Variants in MAP3K4 observed in about 807,000 individuals in gnomAD.
MAP3K4 encodes the protein MAP three kinase 1.
Under a neutral mutation model 185.6 loss-of-function variants are expected in MAP3K4, and 67 were observed. The ratio of observed to expected loss-of-function variants is 0.36; its 90% CI spans 0.30 to 0.44. The LOEUF (loss-of-function observed/expected upper bound fraction) is 0.44, where lower values mean the gene tolerates loss of function less well. MAP3K4 is among the 20% of genes least tolerant of loss of function. MAP3K4 has a pLI of 1.00. For synonymous variants in MAP3K4, 702 were observed against 710.4 expected (o/e 0.99, Z 0.19); for missense variants, 1,551 against 1,995.1 (o/e 0.78, Z 4.24).
chr6:161,058,704 A>G (rs924025250), intron 3 of MAP3K4, among the ~76,000 whole-genome samples: 1 of 152,108 alleles, frequency 6.6e-6, no homozygotes, highest in Non-Finnish European at 1.5e-5. Context: ...ACATAATCCT[A>G]CTACAACTTG....
Position 161,070,635 on chromosome 6 carries a change from G to C in MAP3K4, c.1735G>C (p.Gly579Arg). Reference protein sequence around the residue: ...EFSEFPDPMWGSDYVQLSRTP... With the variant: ...EFSEFPDPMWRSDYVQLSRTP... The stretch of plus-strand genomic sequence containing the variant: ...TTCTGAATTTCCAGATCCCATGTGG[G>C]GTTCAGATTATGTGCAGTTGTCAAG... Residue 579 changes from glycine (G) to arginine (R), a missense_variant, in exon 4 of 27, where the codon GGT becomes CGT. Physicochemically the swap from Gly to Arg is moderately radical, Grantham distance 125 (BLOSUM62 -2). Transcript: ENST00000392142. The surrounding 1 kb of genome is among the most constrained non-coding windows in gnomAD (Gnocchi z 4.5). 3 of 1,613,806 alleles carry C rather than the reference G, an allele frequency of 1.9e-6. No individual in the cohort carries two copies. Among genetic ancestry groups the C allele is most frequent in the Non-Finnish European group, 2.5e-6 (3 of 1,179,954 alleles).
At chr6:161,040,997 G>A (rs1230116827) in intron 2 of MAP3K4, among the ~76,000 whole-genome samples, 1 of 152,216 alleles carries the variant, frequency 6.6e-6, no homozygotes, top group Non-Finnish European at 1.5e-5. Flanking sequence ...GTCTTCCACG[G>A]GCTGGCTTAA....
At position 161,098,377 on chromosome 6, in the gene MAP3K4, T is replaced by C. The variant is rs1373411174; in HGVS notation, c.3624T>C (p.Ser1208=). 6.2e-7 allele frequency: 1 copy of C among 1,613,872 alleles called. No homozygotes were observed. The highest frequency in any genetic ancestry group is 2.2e-5 in the East Asian group (1 of 44,880). The part of the protein sequence containing the change: ...AAVAASRPSP[S]GGDSVLPKSI... ...TTGCTGCCAGTCGGCCCAGCCCCTC[T>C]GGTGGTGACTCTGTGCTGCCCAAAT... The change falls in exon 17 of 27, where the codon TCT becomes TCC. Residue 1208 remains serine (S), a synonymous_variant. Transcript: ENST00000392142. The surrounding 1 kb of genome is among the most constrained non-coding windows in gnomAD (Gnocchi z 4.4).
At position 161,097,536 on chromosome 6, in the gene MAP3K4, A is replaced by G. The variant is rs2114883253; in HGVS notation, c.3524+360A>G. The stretch of plus-strand genomic sequence containing the variant: ...GTCAACATTTGAAAACATACTAAAT[A>G]TCACTAAAAGTGGAGAAAAACTGGA... On this transcript the variant is annotated intron_variant, in intron 16 of 26. Transcript: ENST00000392142. This position sits in a 1 kb window ranked among gnomAD's most constrained non-coding sequence, Gnocchi z 4.9. 6.6e-6 allele frequency among the ~76,000 whole-genome samples: 1 copy of G among 152,314 alleles called. No homozygotes were observed. The highest frequency in any genetic ancestry group is 3.4e-3 in the Middle Eastern group (1 of 294).
chr6:161,102,825 C>G (rs1051077563), intron 19 of MAP3K4, 46 bp downstream of exon 19: 1 of 836,288 alleles, frequency 1.2e-6, no homozygotes, highest in Non-Finnish European at 1.7e-6. Context: ...AAAAAAAAAA[C>G]ACGATTACAC....
intron 1 of MAP3K4, among the ~76,000 whole-genome samples, chr6:160,999,887 A>G: frequency 6.6e-6 from 1 of 152,208 alleles, no homozygotes; most frequent in East Asian, 1.9e-4. Flanking sequence ...AAAATATGAA[A>G]TCCTCTTAAA....
chr6:161,041,547 G>T (rs539713037), intron 2 of MAP3K4, among the ~76,000 whole-genome samples: 1 of 152,348 alleles, frequency 6.6e-6, no homozygotes, highest in South Asian at 2.1e-4. Flanking sequence ...GGAGCCTGTT[G>T]TCGGCTAAGG....
chr6:161,065,264 T>C (rs1784656494), intron 3 of MAP3K4, among the ~76,000 whole-genome samples: 1 of 152,192 alleles, frequency 6.6e-6, no homozygotes, highest in Non-Finnish European at 1.5e-5. Context: ...AACATAAAAT[T>C]ATGAGAATTT....
chr6:161,084,382 A>G lies in MAP3K4; in HGVS notation c.2256-119A>G. 3.3e-6 allele frequency: 2 copies of G among 606,080 alleles called. No homozygotes were observed. The highest frequency in any genetic ancestry group is 5.9e-6 in the Non-Finnish European group (2 of 337,108). The allele number at this position is 606,080 out of a possible 1,614,324, so 37.5% of individuals were successfully genotyped here. ...TATATTAAAAGAAGAGAAATTTTTC[A>G]TTTTTGATTTTTAAACCATTAGAGC... On this transcript the variant is annotated intron_variant, in intron 6 of 26. Transcript: ENST00000392142. This position sits in a 1 kb window ranked among gnomAD's most constrained non-coding sequence, Gnocchi z 4.6.
chr6:161,029,707 C>T (rs182728852), intron 1 of MAP3K4, among the ~76,000 whole-genome samples: 12 of 152,230 alleles, frequency 7.9e-5, no homozygotes, highest in South Asian at 6.2e-4. Context: ...CTGAACTGGT[C>T]GGCTGACCAC....
In MAP3K4 at chr6:161,008,026, C is replaced by T. The variant is rs1053004197; in HGVS notation, c.152+15943C>T. Among the ~76,000 whole-genome samples the T allele has an allele frequency of 4.6e-5, 7 of 152,078 alleles. No homozygotes were observed. Among genetic ancestry groups the T allele is most frequent in the African/African-American group, 1.7e-4 (7 of 41,414 alleles). On this transcript the variant is annotated intron_variant, in intron 1 of 26. Transcript: ENST00000392142. The surrounding 1 kb of genome is among the most constrained non-coding windows in gnomAD (Gnocchi z 4.1). ...AAATATGGTAAGGCATAGCTATTGT[C>T]TTCTATAAAATTCTGGTAAACCCAT... is the stretch of plus-strand genomic sequence containing the variant.
intron 3 of MAP3K4, among the ~76,000 whole-genome samples, chr6:161,059,778 T>C (rs1054283771): frequency 6.6e-6 from 1 of 152,294 alleles, no homozygotes; most frequent in East Asian, 1.9e-4. Context: ...CTTTTTACAC[T>C]TTGAATCAGT....
In MAP3K4 at chr6:161,116,791, G is replaced by T; in HGVS notation, c.4807-59G>T. ...CTTCCCCGTAAGACTCATACTGCGC[G>T]TATGCACAAGCACACACCTGGCTCT... On this transcript the variant is annotated intron_variant, in intron 26 of 26. Transcript: ENST00000392142. The surrounding 1 kb of genome is among the most constrained non-coding windows in gnomAD (Gnocchi z 6.2). The T allele has an allele frequency of 6.5e-7, 1 of 1,532,346 alleles. No individual in the cohort carries two copies. The allele number at this position is 1,532,346 out of a possible 1,614,324, so 94.9% of individuals were successfully genotyped here. A position where few individuals can be genotyped will look rare whatever the true frequency, so the allele number is the denominator to read the frequency against.
At chr6:161,095,843 T>G (rs1777542880) in intron 15 of MAP3K4, among the ~76,000 whole-genome samples, 1 of 152,224 alleles carries the variant, frequency 6.6e-6, no homozygotes, top group Admixed American at 6.5e-5. Context: ...AGTGGAAAGT[T>G]TTGCAGTGTT....
At chr6:161,046,396 C>T (rs1459878860) in intron 2 of MAP3K4, among the ~76,000 whole-genome samples, 1 of 151,758 alleles carries the variant, frequency 6.6e-6, no homozygotes, top group Non-Finnish European at 1.5e-5. Context: ...AGTTGATAAG[C>T]ATTTATAGCT....
At chr6:161,025,801 C>T (rs1393846610) in intron 1 of MAP3K4, among the ~76,000 whole-genome samples, 1 of 152,138 alleles carries the variant, frequency 6.6e-6, no homozygotes, top group East Asian at 1.9e-4. Context: ...AAACGTTTTT[C>T]TTGTTTCTCT....
chr6:160,992,123 G>A (rs2115019813), intron 1 of MAP3K4, 40 bp downstream of exon 1: 1 of 1,507,902 alleles, frequency 6.6e-7, no homozygotes. Flanking sequence ...GCAGAAAGCG[G>A]GGCGGGTCCT....
At chr6:161,060,404 G>A (rs1257070388) in intron 3 of MAP3K4, among the ~76,000 whole-genome samples, 1 of 152,072 alleles carries the variant, frequency 6.6e-6, no homozygotes, top group Non-Finnish European at 1.5e-5. Flanking sequence ...TATTTGGTAT[G>A]TTTCAATCCA....
chr6:161,055,860 A>G (rs1390377259), intron 3 of MAP3K4, among the ~76,000 whole-genome samples: 2 of 152,196 alleles, frequency 1.3e-5, no homozygotes, highest in African/African-American at 4.8e-5. Flanking sequence ...ATTCTTTGGA[A>G]GTAAGTCACC....
Sources: gnomAD v4.1 joint callset for allele counts (sites outside exome capture counted in the v4.1 genomes callset) on GRCh38, gnomAD v4.1.1 for gene constraint, Gnocchi (gnomAD v3.1) non-coding constraint, MANE v1.5 for transcripts, NCBI Gene and HGNC (gene_info 2026-07-23, HGNC 2026-07-21) for gene names.